Variants in ST6GALNAC3 observed in about 807,000 individuals in gnomAD.
ST6GALNAC3 encodes alpha-N-acetylgalactosaminide alpha-2,6-sialyltransferase 3.
A neutral mutation model predicts 32.7 loss-of-function variants in ST6GALNAC3; 25 were observed. The observed-to-expected ratio is 0.76, with a 90% CI of 0.56 to 1.07. The LOEUF is 1.07. Among genes scored for constraint, ST6GALNAC3 ranks in the 50% least tolerant of loss-of-function variants. The pLI, the probability that ST6GALNAC3 is intolerant of heterozygous loss-of-function variation, is 0.00. For synonymous variants in ST6GALNAC3, 129 were observed against 133.1 expected (o/e 0.97, Z 0.21); for missense variants, 355 against 382.4 (o/e 0.93, Z 0.60).
intron 3 of ST6GALNAC3, among the ~76,000 whole-genome samples, chr1:76,543,917 T>C (rs756668103): frequency 1.3e-5 from 2 of 152,164 alleles, no homozygotes; most frequent in African/African-American, 2.4e-5. Flanking sequence ...TTTTTTTCCT[T>C]TTCACTCATT....
At chr1:76,233,923 A>C (rs1557715075) in intron 1 of ST6GALNAC3, among the ~76,000 whole-genome samples, 1 of 150,924 alleles carries the variant, frequency 6.6e-6, no homozygotes, top group African/African-American at 2.5e-5. Context: ...TTAAAATTTT[A>C]TGTGGGGGAG....
chr1:76,547,002 G>C (rs1397428529), intron 3 of ST6GALNAC3, among the ~76,000 whole-genome samples: 1 of 152,182 alleles, frequency 6.6e-6, no homozygotes, highest in Non-Finnish European at 1.5e-5. Context: ...AGAAAGCTAA[G>C]GGAAGAGAAA....
At chr1:76,501,146 C>T (rs1459370127) in intron 3 of ST6GALNAC3, among the ~76,000 whole-genome samples, 1 of 152,146 alleles carries the variant, frequency 6.6e-6, no homozygotes, top group African/African-American at 2.4e-5. Flanking sequence ...TTTACTTCCT[C>T]CCCTCTCCCT....
chr1:76,092,700 A>G (rs979296061), intron 1 of ST6GALNAC3, among the ~76,000 whole-genome samples: 2 of 152,168 alleles, frequency 1.3e-5, no homozygotes, highest in Admixed American at 1.3e-4. Flanking sequence ...AAGACTTCAT[A>G]ATTTTGAACA....
At chr1:76,192,885 A>C (rs1483617271) in intron 1 of ST6GALNAC3, among the ~76,000 whole-genome samples, 1 of 152,108 alleles carries the variant, frequency 6.6e-6, no homozygotes, top group African/African-American at 2.4e-5. Flanking sequence ...AGTCAGAGGA[A>C]TTGGGGAACT....
intron 1 of ST6GALNAC3, among the ~76,000 whole-genome samples, chr1:76,310,806 TG>T (rs1054367449): frequency 1.3e-5 from 2 of 152,204 alleles, no homozygotes; most frequent in African/African-American, 4.8e-5. Flanking sequence ...AATATTTTAT[TG>T]TGTCTTTACC....
chr1:76,559,934 T>C (rs1317088766), intron 3 of ST6GALNAC3, among the ~76,000 whole-genome samples: 1 of 152,034 alleles, frequency 6.6e-6, no homozygotes, highest in African/African-American at 2.4e-5. Context: ...AGGTCAAGGA[T>C]AGCATAAAGA....
intron 1 of ST6GALNAC3, among the ~76,000 whole-genome samples, chr1:76,170,567 G>A (rs1022247003): frequency 1.3e-5 from 2 of 152,080 alleles, no homozygotes; most frequent in Admixed American, 6.6e-5. Flanking sequence ...TACTGGCCAG[G>A]GATTATGGCA....
At chr1:76,620,049 C>A (rs929307468) in intron 3 of ST6GALNAC3, among the ~76,000 whole-genome samples, 3 of 152,024 alleles carry the variant, frequency 2.0e-5, no homozygotes, top group African/African-American at 7.2e-5. Context: ...GTCACTGAGT[C>A]TGTCTTTCTG....
At chr1:76,186,972 A>G (rs1393111923) in intron 1 of ST6GALNAC3, among the ~76,000 whole-genome samples, 1 of 152,200 alleles carries the variant, frequency 6.6e-6, no homozygotes, top group East Asian at 1.9e-4. Context: ...TTCGTTTCCA[A>G]GGAAACTGCA....
chr1:76,322,761 A>G (rs576859421), intron 2 of ST6GALNAC3, among the ~76,000 whole-genome samples: 24 of 91,026 alleles, frequency 2.6e-4, no homozygotes, highest in South Asian at 7.6e-4. Flanking sequence ...CCACCCCCCC[A>G]CAAGTTTGGG....
In ST6GALNAC3 at chr1:76,531,556, T is replaced by G. The variant is rs138572136; in HGVS notation, c.624-95896T>G. 2.9e-3 allele frequency among the ~76,000 whole-genome samples: 449 copies of G among 152,338 alleles called. 1 individual carries two copies. The highest frequency in any genetic ancestry group is 0.01 in the African/African-American group (430 of 41,580). ...TGAGTCTGTTAGCCAGATATAGAAA[T>G]CTAGCAAGGTCATTTTAGGAGTAAT... On this transcript the variant is annotated intron_variant, in intron 3 of 4. Transcript: ENST00000328299.
Position 76,381,324 on chromosome 1 carries a change from T to A in ST6GALNAC3, c.214-30684T>A, listed in dbSNP as rs187829745. ...TCCTTGCTTTGCCAGGGGCAAGTGT[T>A]GATATAGACAACATTTGGAATTTGG... On this transcript the variant is annotated intron_variant, in intron 2 of 4. Transcript: ENST00000328299. 1.1e-4 allele frequency among the ~76,000 whole-genome samples: 16 copies of A among 152,242 alleles called. No homozygotes were observed. In the East Asian group the frequency reaches 3.1e-3, roughly 29 times the overall value.
chr1:76,200,910 C>G (rs1197030342), intron 1 of ST6GALNAC3, among the ~76,000 whole-genome samples: 1 of 151,846 alleles, frequency 6.6e-6, no homozygotes, highest in Non-Finnish European at 1.5e-5. Flanking sequence ...ATACAATGTC[C>G]CAAGGTCCAG....
At chr1:76,419,728 T>A (rs575432546) in intron 3 of ST6GALNAC3, among the ~76,000 whole-genome samples, 1 of 152,270 alleles carries the variant, frequency 6.6e-6, no homozygotes, top group South Asian at 2.1e-4. Context: ...TACGCCCATC[T>A]GTACTACTAG....
intron 1 of ST6GALNAC3, among the ~76,000 whole-genome samples, chr1:76,293,508 C>T (rs1203864126): frequency 6.6e-6 from 1 of 152,172 alleles, no homozygotes; most frequent in Non-Finnish European, 1.5e-5. Flanking sequence ...CCCAAAGAGC[C>T]CATGGCCACA....
intron 1 of ST6GALNAC3, among the ~76,000 whole-genome samples, chr1:76,202,387 G>A (rs1239465414): frequency 6.6e-6 from 1 of 151,664 alleles, no homozygotes; most frequent in East Asian, 1.9e-4. Flanking sequence ...GTTGTGTAAG[G>A]CCTCCACCAG....
At chr1:76,527,516 T>A (rs2101810788) in intron 3 of ST6GALNAC3, among the ~76,000 whole-genome samples, 1 of 152,198 alleles carries the variant, frequency 6.6e-6, no homozygotes, top group Admixed American at 6.6e-5. Context: ...CAAAAAAAGA[T>A]TTACTTTTTT....
intron 3 of ST6GALNAC3, among the ~76,000 whole-genome samples, chr1:76,545,249 C>T (rs1031455147): frequency 2.0e-5 from 3 of 152,216 alleles, no homozygotes; most frequent in East Asian, 1.9e-4. Flanking sequence ...CCGTTCTGTC[C>T]TATCCTACAT....
Sources: allele counts gnomAD v4.1 joint callset (sites outside exome capture counted in the v4.1 genomes callset), GRCh38; gene constraint gnomAD v4.1.1; transcripts MANE v1.5; gene names NCBI Gene and HGNC (gene_info 2026-07-23, HGNC 2026-07-21).